The following GNAO1 variants were observed in gnomAD, a reference collection of about 807,000 sequenced individuals.
The protein encoded by GNAO1 is guanine nucleotide-binding protein G(o) subunit alpha.
For missense variants in GNAO1, 166 were observed against 478.7 expected (o/e 0.35, Z 6.10); for synonymous variants, 164 against 180.7 (o/e 0.91, Z 0.74).
intron 6 of GNAO1, among the ~76,000 whole-genome samples, chr16:56,342,664 G>C (rs758942479): frequency 6.6e-6 from 1 of 152,248 alleles, no homozygotes; most frequent in South Asian, 2.1e-4. Context: ...TGGCCCAGCA[G>C]TGGCCACAGG....
chr16:56,327,324 G>A (rs1484180006), intron 3 of GNAO1, among the ~76,000 whole-genome samples: 1 of 152,114 alleles, frequency 6.6e-6, no homozygotes, highest in Non-Finnish European at 1.5e-5. Context: ...GCACCATTCT[G>A]TGGGCCACGG....
At chr16:56,262,031 G>A (rs1254304838) in intron 2 of GNAO1, among the ~76,000 whole-genome samples, 1 of 152,214 alleles carries the variant, frequency 6.6e-6, no homozygotes, top group Non-Finnish European at 1.5e-5. Flanking sequence ...TAACTGACAG[G>A]TGTGGATCAG....
chr16:56,335,673 A>G (rs745942886), intron 5 of GNAO1, among the ~76,000 whole-genome samples: 22 of 152,288 alleles, frequency 1.4e-4, no homozygotes, highest in Non-Finnish European at 2.4e-4. Flanking sequence ...TGGGCAGAGC[A>G]GCCCTGAGGG....
rs370685347 is a variant in GNAO1 at position 56,238,102 on chromosome 16, TC to T, written c.162-37821del. Among the ~76,000 whole-genome samples, 356 of 144,254 alleles carry T rather than the reference TC, an allele frequency of 2.5e-3. 1 individual carries two copies. The highest frequency in any genetic ancestry group is 8.0e-3 in the African/African-American group (317 of 39,586). The allele number at this position is 144,254 out of a possible 152,430, so 94.6% of individuals were successfully genotyped here. ...TCTCCATCATGGGTCCCATCACAGA[TC>T]CCCCCCCGCCCGCCCCACACACATT... On this transcript the variant is annotated intron_variant, in intron 2 of 8. Transcript: ENST00000262493.
intron 3 of GNAO1, among the ~76,000 whole-genome samples, chr16:56,306,612 TTAAAGA>T (rs1282082793): frequency 6.6e-6 from 1 of 152,068 alleles, no homozygotes; most frequent in Non-Finnish European, 1.5e-5. Context: ...CCACCTTATG[TTAAAGA>T]TAAAAATAAC....
rs146812877 is a variant in GNAO1, at chr16:56,349,531, C to T, written c.724-1853C>T. 6.6e-5 allele frequency among the ~76,000 whole-genome samples: 10 copies of T among 152,314 alleles called. No individual in the cohort carries two copies. The East Asian group carries it at 1.2e-3, about 18-fold the overall frequency. ...TCCCAGTGAGGTGGCTCAGGGCAAG[C>T]GAGACCTGCTCCTCCCCGGAGGGAT... On this transcript the variant is annotated intron_variant, in intron 6 of 8. Transcript: ENST00000262493.
At chr16:56,217,986 A>G (rs536857877) in intron 2 of GNAO1, among the ~76,000 whole-genome samples, 1 of 152,370 alleles carries the variant, frequency 6.6e-6, no homozygotes, top group African/African-American at 2.4e-5. Context: ...GGAAAGAGGC[A>G]TTTGTTCAGA....
At chr16:56,266,602 G>A (rs1345860138) in intron 2 of GNAO1, among the ~76,000 whole-genome samples, 2 of 152,160 alleles carry the variant, frequency 1.3e-5, no homozygotes, top group East Asian at 3.9e-4. Flanking sequence ...CAAGACTAGT[G>A]GTCTAGCCCT....
At chr16:56,264,099 C>G (rs1408966570) in intron 2 of GNAO1, among the ~76,000 whole-genome samples, 2 of 152,214 alleles carry the variant, frequency 1.3e-5, no homozygotes, top group African/African-American at 4.8e-5. Flanking sequence ...CTTCCTCCAC[C>G]ACCAAGGGGG....
chr16:56,310,586 T>C (rs2037446818), intron 3 of GNAO1, among the ~76,000 whole-genome samples: 1 of 152,046 alleles, frequency 6.6e-6, no homozygotes, highest in Non-Finnish European at 1.5e-5. Context: ...TACAGTCTTA[T>C]TGAGAGGGCA....
At chr16:56,273,313 A>G (rs947662973) in intron 2 of GNAO1, among the ~76,000 whole-genome samples, 2 of 152,102 alleles carry the variant, frequency 1.3e-5, no homozygotes, top group Non-Finnish European at 1.5e-5. Context: ...TCTGCTGTTA[A>G]TCCCATCCAG....
At chr16:56,254,847 A>C (rs1424628433) in intron 2 of GNAO1, among the ~76,000 whole-genome samples, 3 of 152,100 alleles carry the variant, frequency 2.0e-5, no homozygotes, top group Admixed American at 2.0e-4. Context: ...TTTCCCTTTC[A>C]TTAAAGGTTA....
intron 2 of GNAO1, among the ~76,000 whole-genome samples, chr16:56,251,168 A>G (rs538619672): frequency 1.3e-5 from 2 of 152,326 alleles, no homozygotes; most frequent in Non-Finnish European, 2.9e-5. Context: ...CTGGGTGGCA[A>G]TTATCCTATT....
At chr16:56,213,349 C>A in intron 2 of GNAO1, 1 of 398,512 alleles carries the variant, frequency 2.5e-6, no homozygotes, top group Non-Finnish European at 4.4e-6. Flanking sequence ...AATCTCTGCC[C>A]TCCTGGAGTG....
chr16:56,355,305 A>T (rs2037958045), intron 8 of GNAO1: 1 of 159,170 alleles, frequency 6.3e-6, no homozygotes, highest in African/African-American at 2.4e-5. Context: ...CCCATAGCTC[A>T]TGGAGGTTTT....
intron 3 of GNAO1, among the ~76,000 whole-genome samples, chr16:56,296,056 G>C (rs1020864368): frequency 7.9e-5 from 12 of 152,204 alleles, no homozygotes; most frequent in Admixed American, 2.0e-4. Flanking sequence ...TTTGATACGT[G>C]ATCAGAAAAT....
chr16:56,272,309 T>C (rs1357002202), intron 2 of GNAO1, among the ~76,000 whole-genome samples: 4 of 151,206 alleles, frequency 2.6e-5, no homozygotes, highest in Non-Finnish European at 5.9e-5. Flanking sequence ...CGAGACTCCA[T>C]CTGAAAAAAA....
At chr16:56,278,185 A>G (rs1307268725) in intron 3 of GNAO1, among the ~76,000 whole-genome samples, 1 of 152,172 alleles carries the variant, frequency 6.6e-6, no homozygotes, top group Non-Finnish European at 1.5e-5. Context: ...ATGGAAGGAG[A>G]GACTGAGAGC....
chr16:56,291,291 C>T (rs182764817), intron 3 of GNAO1, among the ~76,000 whole-genome samples: 1 of 152,260 alleles, frequency 6.6e-6, no homozygotes, highest in Admixed American at 6.5e-5. Context: ...TATTGTTCAT[C>T]GTTTTTATTA....
Sources: gnomAD v4.1 joint callset for allele counts (sites outside exome capture counted in the v4.1 genomes callset) on GRCh38, gnomAD v4.1.1 for gene constraint, MANE v1.5 for transcripts, NCBI Gene and HGNC (gene_info 2026-07-23, HGNC 2026-07-21) for gene names.